The following ELP4 variants were observed in gnomAD, a reference collection of about 807,000 sequenced individuals.
ELP4 encodes the protein elongator complex protein 4.
Under a neutral mutation model 48.9 loss-of-function variants are expected in ELP4, and 51 were observed. That is an observed-to-expected ratio of 1.04 (90% CI 0.83 to 1.32). ELP4 has a LOEUF of 1.32. Among genes scored for constraint, ELP4 ranks in the 40% most tolerant of loss-of-function variants. The probability of loss-of-function intolerance (pLI) is 0.00; values close to 1 mark genes in which losing one functional copy is unlikely to be tolerated. For missense variants in ELP4, 519 were observed against 514.6 expected (o/e 1.01, Z -0.08); for synonymous variants, 210 against 189.2 (o/e 1.11, Z -0.90).
chr11:31,683,797 GA>G (rs1460322741), intron 9 of ELP4, among the ~76,000 whole-genome samples: 1 of 151,876 alleles, frequency 6.6e-6, no homozygotes, highest in Non-Finnish European at 1.5e-5. Flanking sequence ...CAATTAGCTA[GA>G]TATAAATGTC....
chr11:31,593,038 C>T (rs1377670288), intron 3 of ELP4, among the ~76,000 whole-genome samples: 1 of 152,050 alleles, frequency 6.6e-6, no homozygotes, highest in African/African-American at 2.4e-5. Flanking sequence ...GATGTTAAAC[C>T]AAATACATTA....
At chr11:31,686,300 G>A (rs1946158089) in intron 9 of ELP4, among the ~76,000 whole-genome samples, 1 of 141,824 alleles carries the variant, frequency 7.1e-6, no homozygotes, top group Non-Finnish European at 1.5e-5. Flanking sequence ...TGTACCATAT[G>A]TCTGATTTTT....
intron 9 of ELP4, among the ~76,000 whole-genome samples, chr11:31,665,430 G>A (rs1256923355): frequency 3.3e-5 from 5 of 151,772 alleles, no homozygotes; most frequent in Non-Finnish European, 7.4e-5. Context: ...AAATATGTTT[G>A]GTAAAACTTT....
At chr11:31,544,363 C>T (rs187182525) in intron 3 of ELP4, among the ~76,000 whole-genome samples, 8 of 152,310 alleles carry the variant, frequency 5.3e-5, no homozygotes, top group Admixed American at 1.3e-4. Flanking sequence ...GCACCTGGCT[C>T]GGAGGGTCCT....
intron 5 of ELP4, among the ~76,000 whole-genome samples, chr11:31,624,567 A>G (rs1944699960): frequency 6.6e-6 from 1 of 151,688 alleles, no homozygotes; most frequent in African/African-American, 2.4e-5. Context: ...ACTGGATACT[A>G]CTGTAGACTT....
rs975041297 is a variant in ELP4, at chr11:31,785,822, G to A, written c.*2298G>A. The A allele has an allele frequency of 1.0e-5, 2 of 194,964 alleles. No homozygotes were observed. Among genetic ancestry groups the A allele is most frequent in the Non-Finnish European group, 2.1e-5 (2 of 93,900 alleles). The allele number at this position is 194,964 out of a possible 1,614,324, so 12.1% of individuals were successfully genotyped here. On this transcript the variant is annotated 3_prime_UTR_variant, in exon 10 of 10. Transcript: ENST00000640961. Reference sequence around the variant, plus strand: ...CTACCTTAGGTATAGACACCATTTTGATACATTATGAAATATACACTCCAT... The same window carrying A: ...CTACCTTAGGTATAGACACCATTTTAATACATTATGAAATATACACTCCAT...
intron 2 of ELP4, among the ~76,000 whole-genome samples, chr11:31,523,112 G>A (rs528372340): frequency 9.9e-5 from 15 of 151,754 alleles, no homozygotes; most frequent in Admixed American, 3.9e-4. Flanking sequence ...GCCTCAAGCA[G>A]TCCTCCTGCC....
chr11:31,783,350 CTTCT>C (rs749622319), intron 9 of ELP4, 39 bp from the exon 10 acceptor site: 2 of 1,577,972 alleles, frequency 1.3e-6, no homozygotes, highest in Non-Finnish European at 8.6e-7. Context: ...AATTTTTTTT[CTTCT>C]TTCTTCTTTT....
At chr11:31,646,130 T>C (rs1254257331) in intron 7 of ELP4, 1 of 151,712 alleles carries the variant, frequency 6.6e-6, no homozygotes, top group South Asian at 2.1e-4. Context: ...GGCACAGAAC[T>C]GAAAGTAAGG....
chr11:31,664,929 G>A (rs1437038903), intron 9 of ELP4, among the ~76,000 whole-genome samples: 5 of 152,046 alleles, frequency 3.3e-5, no homozygotes, highest in African/African-American at 9.7e-5. Context: ...GACTTTTCTG[G>A]TATTTAAAGT....
chr11:31,778,036 T>C (rs1948286567), intron 9 of ELP4, among the ~76,000 whole-genome samples: 2 of 152,288 alleles, frequency 1.3e-5, no homozygotes, highest in Admixed American at 6.5e-5. Context: ...AGCGTTTGTT[T>C]CCTCCCCATT....
intron 7 of ELP4, among the ~76,000 whole-genome samples, chr11:31,641,109 T>A (rs1008370992): frequency 6.6e-6 from 1 of 152,076 alleles, no homozygotes; most frequent in East Asian, 1.9e-4. Context: ...TTTAGCAAAC[T>A]TTTTGTGTCA....
At chr11:31,598,653 A>G (rs1187145434) in intron 4 of ELP4, among the ~76,000 whole-genome samples, 2 of 151,502 alleles carry the variant, frequency 1.3e-5, no homozygotes, top group Admixed American at 6.6e-5. Flanking sequence ...CCACAAGTGC[A>G]TGCCACAGCA....
rs1592346285 is a variant in ELP4 at position 31,789,815 on chromosome 11, A to C, written c.*6291A>C. On this transcript the variant is annotated 3_prime_UTR_variant, in exon 10 of 10. Transcript: ENST00000640961. ...GTACAATACAGGACACAATTGTAGA[A>C]CTGAAGCGGCTCTAACAGCCATTTT... 1 of 891,090 alleles carries C rather than the reference A, an allele frequency of 1.1e-6. No individual in the cohort carries two copies. The allele number at this position is 891,090 out of a possible 1,614,324, so 55.2% of individuals were successfully genotyped here.
intron 1 of ELP4, among the ~76,000 whole-genome samples, chr11:31,515,146 G>A (rs1330206674): frequency 6.6e-6 from 1 of 151,578 alleles, no homozygotes; most frequent in Non-Finnish European, 1.5e-5. Flanking sequence ...TAGTTAATGA[G>A]TTACATCTTA....
At chr11:31,766,951 A>G (rs1948054423) in intron 9 of ELP4, among the ~76,000 whole-genome samples, 1 of 152,132 alleles carries the variant, frequency 6.6e-6, no homozygotes, top group Admixed American at 6.5e-5. Context: ...TTTTTTCATC[A>G]TTTATTAAAT....
chr11:31,571,921 A>C (rs1957199219), intron 3 of ELP4, among the ~76,000 whole-genome samples: 1 of 152,212 alleles, frequency 6.6e-6, no homozygotes, highest in African/African-American at 2.4e-5. Context: ...GAGCACAAGC[A>C]GAGTAGATTT....
At chr11:31,702,021 T>C (rs1946534258) in intron 9 of ELP4, among the ~76,000 whole-genome samples, 1 of 152,152 alleles carries the variant, frequency 6.6e-6, no homozygotes, top group Non-Finnish European at 1.5e-5. Flanking sequence ...TAAATCTACT[T>C]AGTAAATAAA....
intron 2 of ELP4, among the ~76,000 whole-genome samples, chr11:31,534,846 T>C (rs1181424845): frequency 6.6e-6 from 1 of 152,246 alleles, no homozygotes; most frequent in African/African-American, 2.4e-5. Context: ...TTACTTCAGG[T>C]AAAATCAATT....
Sources: gnomAD v4.1 joint callset for allele counts (sites outside exome capture counted in the v4.1 genomes callset) on GRCh38, gnomAD v4.1.1 for gene constraint, MANE v1.5 for transcripts, NCBI Gene and HGNC (gene_info 2026-07-23, HGNC 2026-07-21) for gene names.